Variants in RARB observed in about 807,000 individuals in gnomAD.
RARB encodes the protein HBV-activated protein.
Under a neutral mutation model 51.9 loss-of-function variants are expected in RARB, and 17 were observed. That is an observed-to-expected ratio of 0.33 (90% CI 0.22 to 0.49). RARB has a LOEUF of 0.49. Ranked by LOEUF, RARB falls within the 20% of genes least tolerant of loss-of-function variation. The pLI is 0.99. For synonymous variants in RARB, 215 were observed against 195.4 expected (o/e 1.10, Z -0.84); for missense variants, 369 against 550.8 (o/e 0.67, Z 3.30).
intron 2 of RARB, among the ~76,000 whole-genome samples, chr3:24,973,825 G>A (rs527609426): frequency 3.9e-5 from 6 of 151,954 alleles, no homozygotes; most frequent in South Asian, 2.1e-4. Flanking sequence ...TACTGAATTC[G>A]TTTATGAGCT....
chr3:24,967,116 G>A (rs1462575166), intron 2 of RARB, among the ~76,000 whole-genome samples: 1 of 152,052 alleles, frequency 6.6e-6, no homozygotes, highest in Non-Finnish European at 1.5e-5. Flanking sequence ...ATATTATCTT[G>A]AAAAATCAGA....
intron 5 of RARB, among the ~76,000 whole-genome samples, chr3:25,362,992 A>G (rs367937501): frequency 2.0e-5 from 3 of 152,122 alleles, no homozygotes; most frequent in Admixed American, 6.5e-5. Context: ...ATTACTTTCA[A>G]TCGATTTACA....
chr3:25,104,086 T>G (rs950895176), intron 3 of RARB, among the ~76,000 whole-genome samples: 1 of 152,196 alleles, frequency 6.6e-6, no homozygotes, highest in Non-Finnish European at 1.5e-5. Flanking sequence ...GTCTGTAAAA[T>G]ATATATTTAT....
intron 2 of RARB, among the ~76,000 whole-genome samples, chr3:24,879,615 G>A (rs1468199802): frequency 6.6e-6 from 1 of 151,716 alleles, no homozygotes; most frequent in African/African-American, 2.4e-5. Context: ...TTGAGGCCAG[G>A]AGTTTGAGAC....
chr3:24,988,952 A>T (rs1696853202), intron 2 of RARB, among the ~76,000 whole-genome samples: 1 of 152,050 alleles, frequency 6.6e-6, no homozygotes, highest in Non-Finnish European at 1.5e-5. Flanking sequence ...CAGCTTCCTG[A>T]GTAGCTGGGA....
chr3:25,135,085 C>G (rs1006691910), intron 4 of RARB, among the ~76,000 whole-genome samples: 4 of 150,738 alleles, frequency 2.7e-5, no homozygotes, highest in Non-Finnish European at 5.9e-5. Context: ...TTTAATAGGC[C>G]TAGGACCATG....
chr3:25,561,027 T>G (rs1028944584), intron 3 of RARB, among the ~76,000 whole-genome samples: 3 of 152,204 alleles, frequency 2.0e-5, no homozygotes, highest in Non-Finnish European at 4.4e-5. Flanking sequence ...GATGTCCTCA[T>G]TTTTCAGATA....
At chr3:25,114,800 C>G (rs547379068) in intron 3 of RARB, among the ~76,000 whole-genome samples, 8 of 152,246 alleles carry the variant, frequency 5.3e-5, no homozygotes, top group African/African-American at 1.9e-4. Flanking sequence ...TGGTTGGCAG[C>G]TTAAAGATAA....
chr3:25,007,911 TG>T (rs949634849), intron 2 of RARB, among the ~76,000 whole-genome samples: 9 of 152,086 alleles, frequency 5.9e-5, no homozygotes, highest in Non-Finnish European at 1.3e-4. Flanking sequence ...AGGGTGACCT[TG>T]GGCAAATTAT....
intron 3 of RARB, among the ~76,000 whole-genome samples, chr3:25,103,007 G>A (rs575131696): frequency 9.9e-5 from 15 of 152,268 alleles, no homozygotes; most frequent in East Asian, 1.9e-4. Context: ...CCGAGAGTGC[G>A]CCACTGCACT....
At chr3:25,238,272 G>A (rs1027967088) in intron 5 of RARB, among the ~76,000 whole-genome samples, 3 of 151,664 alleles carry the variant, frequency 2.0e-5, no homozygotes, top group South Asian at 2.1e-4. Context: ...TTCCATGCCT[G>A]GCTTATTTCA....
intron 5 of RARB, among the ~76,000 whole-genome samples, chr3:25,388,569 TG>T (rs1250825475): frequency 6.6e-6 from 1 of 152,230 alleles, no homozygotes; most frequent in Non-Finnish European, 1.5e-5. Flanking sequence ...ACAAAGAAAT[TG>T]TTTTTTTGCC....
intron 3 of RARB, among the ~76,000 whole-genome samples, chr3:25,117,281 C>G (rs745537362): frequency 6.6e-6 from 1 of 152,080 alleles, no homozygotes; most frequent in African/African-American, 2.4e-5. Context: ...GAATATGTAA[C>G]CAAATCTAAG....
intron 2 of RARB, among the ~76,000 whole-genome samples, chr3:24,890,807 C>T (rs991733650): frequency 8.6e-5 from 13 of 151,644 alleles, no homozygotes; most frequent in African/African-American, 2.7e-4. Context: ...CTACATGCCT[C>T]GGCAATATTG....
intron 5 of RARB, among the ~76,000 whole-genome samples, chr3:25,199,714 C>T (rs769389040): frequency 2.0e-4 from 31 of 152,018 alleles, no homozygotes; most frequent in African/African-American, 5.1e-4. Context: ...CTTGACCTTG[C>T]GATAGTTTGC....
intron 5 of RARB, among the ~76,000 whole-genome samples, chr3:25,372,858 AAAATTTTT>A (rs1706342804): frequency 1.3e-5 from 2 of 152,172 alleles, no homozygotes; most frequent in Admixed American, 6.6e-5. Flanking sequence ...GTAAACTTAA[AAAATTTTT>A]TTTAAAGAGT....
At chr3:25,176,807 T>G (rs73052497) in intron 5 of RARB, among the ~76,000 whole-genome samples, 12,914 of 152,274 alleles carry the variant, frequency 0.085, 723 homozygotes, top group Non-Finnish European at 0.13. Flanking sequence ...TATTTTTATT[T>G]CACAGTTACT....
chr3:25,574,356 G>A (rs777659290), intron 4 of RARB, among the ~76,000 whole-genome samples: 30 of 152,190 alleles, frequency 2.0e-4, no homozygotes, highest in Non-Finnish European at 3.4e-4. Context: ...GGTTCCATGA[G>A]AAAAATATAT....
At chr3:25,307,113 G>A (rs929337159) in intron 5 of RARB, among the ~76,000 whole-genome samples, 11 of 152,100 alleles carry the variant, frequency 7.2e-5, no homozygotes, top group African/African-American at 1.4e-4. Flanking sequence ...GATCAGGTGC[G>A]ATGGCTCATG....
Sources: allele counts gnomAD v4.1 joint callset (sites outside exome capture counted in the v4.1 genomes callset), GRCh38; gene constraint gnomAD v4.1.1; transcripts MANE v1.5; gene names NCBI Gene and HGNC (gene_info 2026-07-23, HGNC 2026-07-21).